The following ANLN variants were observed in gnomAD, a reference collection of about 807,000 sequenced individuals.
ANLN encodes anillin, actin binding protein.
In ANLN, 59 loss-of-function variants were observed where a neutral mutation model predicts 135.1. The ratio of observed to expected loss-of-function variants is 0.44; its 90% confidence interval spans 0.35 to 0.54. The LOEUF is 0.54. ANLN is among the 20% of genes least tolerant of loss of function. The pLI is 0.00. For missense variants in ANLN, 1,182 were observed against 1,340.0 expected, an observed-to-expected ratio of 0.88 and a Z score of 1.84; for synonymous variants, 406 against 456.4, an observed-to-expected ratio of 0.89 and a Z score of 1.41.
chr7:36,419,372 GATCAAGC>G lies in ANLN; in HGVS notation c.1765_1771del (p.Gln589Ter). The G allele has an allele frequency of 6.2e-7, 1 of 1,614,118 alleles. No homozygotes were observed. The highest frequency in any genetic ancestry group is 8.5e-7 in the Non-Finnish European group (1 of 1,180,020). ...TATGGAGAAGAGCCAAGAGGAGATGGATCAAGCATTAGCAGAAAGCAGCGAAGAACAG... is the reference window on the plus strand; with the variant it reads ...TATGGAGAAGAGCCAAGAGGAGATGGATTAGCAGAAAGCAGCGAAGAACAG... On this transcript the variant is annotated frameshift_variant, in exon 10 of 24. Coordinates refer to ENST00000265748, the MANE Select transcript of ANLN (RefSeq NM_018685.5). LOFTEE classifies it high-confidence loss of function.
chr7:36,407,653 A>G, intron 4 of ANLN, 81 bp from the exon 5 acceptor site: 1 of 1,032,958 alleles, frequency 9.7e-7, no homozygotes, highest in Non-Finnish European at 1.5e-6. Flanking sequence ...CTATCAAGTA[A>G]ATAGGACTTG....
chr7:36,412,126 CT>C (rs1055269238), intron 7 of ANLN, among the ~76,000 whole-genome samples: 6 of 151,520 alleles, frequency 4.0e-5, no homozygotes, highest in African/African-American at 1.2e-4. Flanking sequence ...CTGCTTGCCC[CT>C]AGCACACATA....
Position 36,402,673 on chromosome 7 carries a change from A to G in ANLN, c.487+3280A>G, listed in dbSNP as rs553837268. Reference sequence around the variant, plus strand: ...CTCTTGCTTTTCTACTGCTTGCTTTAAACACCAGAATAGGATCTACTTATA... The same window carrying G: ...CTCTTGCTTTTCTACTGCTTGCTTTGAACACCAGAATAGGATCTACTTATA... On this transcript the variant is annotated intron_variant, in intron 3 of 23. Coordinates refer to ENST00000265748, the MANE Select transcript of ANLN (RefSeq NM_018685.5). 3.9e-5 allele frequency among the ~76,000 whole-genome samples: 6 copies of G among 152,210 alleles called. No individual in the cohort carries two copies. In the East Asian group the frequency reaches 5.8e-4, roughly 15 times the overall value.
rs1218470466 is a variant in ANLN at position 36,401,703 on chromosome 7, T to C, written c.487+2310T>C. 1.7e-5 allele frequency among the ~76,000 whole-genome samples: 2 copies of C among 119,388 alleles called. 1 individual carries two copies. The highest frequency in any genetic ancestry group is 7.1e-5 in the African/African-American group (2 of 28,238). 78.3% of individuals were successfully genotyped at this position (119,388 alleles called of 152,430 possible). ...AATTAATACCTATTTATTTTAGCAGTGGTGAGGTAAGAGGTAGGACTCGAC... is the reference window on the plus strand; with the variant it reads ...AATTAATACCTATTTATTTTAGCAGCGGTGAGGTAAGAGGTAGGACTCGAC... On this transcript the variant is annotated intron_variant, in intron 3 of 23. Transcript: ENST00000265748.
intron 18 of ANLN, 116 bp downstream of exon 18, chr7:36,425,856 A>T: frequency 8.5e-7 from 1 of 1,179,022 alleles, no homozygotes; most frequent in Non-Finnish European, 1.2e-6. Flanking sequence ...TTTAACATGT[A>T]CTAATGGGGG....
intron 20 of ANLN, among the ~76,000 whole-genome samples, chr7:36,436,205 T>C (rs1444450527): frequency 2.0e-5 from 3 of 152,228 alleles, no homozygotes; most frequent in African/African-American, 7.2e-5. Flanking sequence ...ATAAATGGGA[T>C]CATCATACAA....
intron 7 of ANLN, among the ~76,000 whole-genome samples, chr7:36,414,597 C>T (rs529175225): frequency 1.3e-5 from 2 of 152,286 alleles, no homozygotes; most frequent in East Asian, 1.9e-4. Flanking sequence ...AGAGAGCTGA[C>T]TCAGACATAG....
At chr7:36,390,475 T>G in intron 1 of ANLN, 1 of 194,360 alleles carries the variant, frequency 5.1e-6, no homozygotes, top group Non-Finnish European at 1.1e-5. Flanking sequence ...GATGTGTGAT[T>G]TGCGGAGTTC....
In ANLN at chr7:36,406,494, C is replaced by G; in HGVS notation, c.801C>G (p.Ala267=). The part of the protein sequence containing the change: ...ATFCSQRDGD[A]SLNKALSSSA... Reference sequence around the variant, plus strand: ...TCTGTTCCCAAAGGGATGGCGATGCCTCTTTGAATAAAGCCCTATCCTCAA... The same window carrying G: ...TCTGTTCCCAAAGGGATGGCGATGCGTCTTTGAATAAAGCCCTATCCTCAA... The change falls in exon 4 of 24, where the codon GCC becomes GCG. Residue 267 remains alanine, a synonymous_variant. Transcript: ENST00000265748. 1.3e-6 allele frequency: 2 copies of G among 1,589,426 alleles called. No individual in the cohort carries two copies. The highest frequency in any genetic ancestry group is 1.7e-5 in the Admixed American group (1 of 57,924).
At position 36,399,229 on chromosome 7, in the gene ANLN, A is replaced by G; in HGVS notation, c.323A>G (p.Gln108Arg). 1 of 1,614,182 alleles carries G rather than the reference A, an allele frequency of 6.2e-7. No individual in the cohort carries two copies. The highest frequency in any genetic ancestry group is 1.1e-5 in the South Asian group (1 of 91,088). ...CCTGTGTCTCCTCAGGTGCAGCCAC[A>G]AGCAGCAGATACCATCAGTGATTCT... The part of the protein sequence containing the change: ...PSPVSPQVQP[Q>R]AADTISDSVA... The change falls in exon 3 of 24, where the codon CAA becomes CGA. Residue 108 changes from glutamine (Q) to arginine (R), a missense_variant. Around this residue, in one of 3 missense-constraint regions of ANLN, gnomAD observed 1,022 missense variants for 1,134.0 expected, o/e 0.90. Transcript: ENST00000265748.
At chr7:36,420,115 T>A in intron 10 of ANLN, 54 bp from the exon 11 acceptor site, 1 of 1,527,890 alleles carries the variant, frequency 6.5e-7, no homozygotes, top group Non-Finnish European at 8.9e-7. Flanking sequence ...TTTCACAGAA[T>A]AAAATGAATT....
intron 20 of ANLN, among the ~76,000 whole-genome samples, chr7:36,433,602 T>C (rs752134752): frequency 3.9e-5 from 6 of 152,232 alleles, no homozygotes; most frequent in Non-Finnish European, 8.8e-5. Context: ...ACTCAGCCAT[T>C]GTCTCTTAAA....
chr7:36,442,000 A>G (rs1788794285), intron 21 of ANLN, among the ~76,000 whole-genome samples: 2 of 152,188 alleles, frequency 1.3e-5, no homozygotes, highest in African/African-American at 4.8e-5. Flanking sequence ...TGGTTGGAGC[A>G]AGCCAATTAA....
At chr7:36,392,419 G>A (rs1786515535) in intron 1 of ANLN, among the ~76,000 whole-genome samples, 1 of 150,496 alleles carries the variant, frequency 6.6e-6, no homozygotes, top group Non-Finnish European at 1.5e-5. Flanking sequence ...ACTTTGGGGT[G>A]TATGTGGCAA....
At chr7:36,433,069 C>A (rs73106348) in intron 20 of ANLN, among the ~76,000 whole-genome samples, 45 of 152,138 alleles carry the variant, frequency 3.0e-4, no homozygotes, top group African/African-American at 1.1e-3. Flanking sequence ...ACCTGCCTTG[C>A]CTCCCAAAAT....
At chr7:36,431,499 A>G (rs1411791149) in intron 20 of ANLN, among the ~76,000 whole-genome samples, 1 of 145,672 alleles carries the variant, frequency 6.9e-6, no homozygotes, top group South Asian at 2.2e-4. Context: ...AGTCAATGTT[A>G]CTTTAGATAT....
At chr7:36,439,554 A>G (rs1788681167) in intron 21 of ANLN, among the ~76,000 whole-genome samples, 1 of 152,268 alleles carries the variant, frequency 6.6e-6, no homozygotes, top group Non-Finnish European at 1.5e-5. Context: ...TAATAGGAGA[A>G]AACAGGGTGC....
At position 36,419,467 on chromosome 7, in the gene ANLN, G is replaced by T. The variant is rs17213431; in HGVS notation, c.1857G>T (p.Val619=). 2 of 1,612,696 alleles carry T rather than the reference G, an allele frequency of 1.2e-6. No individual in the cohort carries two copies. Among genetic ancestry groups the T allele is most frequent in the Non-Finnish European group, 1.7e-6 (2 of 1,179,524 alleles). Residue 619 remains valine (V), a synonymous_variant, in exon 10 of 24, where the codon GTG becomes GTT. Coordinates refer to ENST00000265748, the MANE Select transcript of ANLN (RefSeq NM_018685.5). ...CACCATTGGCACAAACAGTTGGTGT[G>T]GTAAGTCCAGAGGTAAGAAAAGGCT... The part of the protein sequence containing the change: ...LLAPLAQTVG[V]VSPESLVSTP...
rs1168756093 is a variant in ANLN at position 36,406,562 on chromosome 7, C to G, written c.869C>G (p.Ser290Cys). Residue 290 changes from serine (S) to cysteine (C), a missense_variant, in exon 4 of 24, where the codon TCT becomes TGT. By Grantham distance (112) the Ser-to-Cys change is moderately radical. This residue lies in a region of ANLN where 1,022 missense variants were observed against 1,134.0 expected (regional missense o/e 0.90). Coordinates refer to ENST00000265748, the MANE Select transcript of ANLN (RefSeq NM_018685.5). ...ASLVNASISS[S>C]VKATSPVKST... Reference sequence around the variant, plus strand: ...TTGGTTAATGCCTCAATTTCCAGCTCTGTGGTAAGTCAGTATCATTTTGGT... The same window carrying G: ...TTGGTTAATGCCTCAATTTCCAGCTGTGTGGTAAGTCAGTATCATTTTGGT... 1 of 1,503,174 alleles carries G rather than the reference C, an allele frequency of 6.7e-7. No individual in the cohort carries two copies. Among genetic ancestry groups the G allele is most frequent in the Non-Finnish European group, 8.9e-7 (1 of 1,127,358 alleles). The allele number at this position is 1,503,174 out of a possible 1,614,324, so 93.1% of individuals were successfully genotyped here.
Sources: gnomAD v4.1 joint callset for allele counts (sites outside exome capture counted in the v4.1 genomes callset) on GRCh38, gnomAD v4.1.1 for gene constraint, gnomAD v4.1.1 regional missense constraint, MANE v1.5 for transcripts, NCBI Gene and HGNC (gene_info 2026-07-23, HGNC 2026-07-21) for gene names.